The following CNTN3 variants were observed in gnomAD, a reference collection of about 807,000 sequenced individuals.
CNTN3 encodes the protein contactin 3, also known as contactin-3.
A neutral mutation model predicts 119.1 loss-of-function variants in CNTN3; 60 were observed. The ratio of observed to expected loss-of-function variants is 0.50; its 90% CI spans 0.41 to 0.62. The LOEUF is 0.62. Among genes scored for constraint, CNTN3 ranks in the 20% least tolerant of loss-of-function variants. The pLI is 0.00. For missense variants in CNTN3, 1,101 were observed against 1,242.4 expected (o/e 0.89, Z 1.71); for synonymous variants, 450 against 438.7 (o/e 1.03, Z -0.32).
intron 5 of CNTN3, among the ~76,000 whole-genome samples, chr3:74,423,686 C>T (rs976744924): frequency 9.2e-5 from 14 of 152,204 alleles, no homozygotes; most frequent in Non-Finnish European, 1.9e-4. Flanking sequence ...TCCCTTCAAA[C>T]TTAAAGTTCT....
At chr3:74,568,409 G>A (rs1490012927) in intron 1 of CNTN3, among the ~76,000 whole-genome samples, 1 of 152,170 alleles carries the variant, frequency 6.6e-6, no homozygotes, top group African/African-American at 2.4e-5. Flanking sequence ...AGGATATGGG[G>A]AGACATAATT....
chr3:74,583,143 A>C (rs56182122), intron 1 of CNTN3, among the ~76,000 whole-genome samples: 7,093 of 152,168 alleles, frequency 0.047, 201 homozygotes, highest in African/African-American at 0.079. Flanking sequence ...TGGTACCTGG[A>C]CTAGAGTGAT....
chr3:74,284,326 A>ATTTAATTTGTCTCATTCTT (rs1702068840), intron 20 of CNTN3, among the ~76,000 whole-genome samples: 1 of 152,222 alleles, frequency 6.6e-6, no homozygotes, highest in South Asian at 2.1e-4. Flanking sequence ...TAGTTAAGCA[A>ATTTAATTTGTCTCATTCTT]ACATTTTTAT....
chr3:74,567,013 T>C (rs1035348400), intron 1 of CNTN3, among the ~76,000 whole-genome samples: 5 of 152,142 alleles, frequency 3.3e-5, no homozygotes, highest in African/African-American at 7.2e-5. Context: ...TAGCAGTCCA[T>C]AGAAGTCAGC....
At chr3:74,545,356 C>T (rs1179752334) in intron 1 of CNTN3, among the ~76,000 whole-genome samples, 1 of 152,114 alleles carries the variant, frequency 6.6e-6, no homozygotes, top group African/African-American at 2.4e-5. Context: ...CCACCTACAT[C>T]CTCCTCAATC....
At chr3:74,402,552 T>TA (rs1187356315) in intron 5 of CNTN3, among the ~76,000 whole-genome samples, 1 of 152,200 alleles carries the variant, frequency 6.6e-6, no homozygotes, top group Non-Finnish European at 1.5e-5. Context: ...TTCCAGCAGA[T>TA]ACCTGCATCT....
At chr3:74,486,851 A>G (rs1024462336) in intron 3 of CNTN3, among the ~76,000 whole-genome samples, 2 of 152,206 alleles carry the variant, frequency 1.3e-5, no homozygotes, top group African/African-American at 4.8e-5. Context: ...TCTAGCAGTT[A>G]AAGTTTTTAA....
intron 1 of CNTN3, among the ~76,000 whole-genome samples, chr3:74,557,647 C>T (rs1704090636): frequency 6.6e-6 from 1 of 150,462 alleles, no homozygotes; most frequent in South Asian, 2.1e-4. Context: ...CCGCCAGGAA[C>T]ACAGCCAGAC....
chr3:74,403,639 T>A (rs1705252579), intron 5 of CNTN3, among the ~76,000 whole-genome samples: 1 of 152,182 alleles, frequency 6.6e-6, no homozygotes, highest in Non-Finnish European at 1.5e-5. Context: ...TTCAGTATTT[T>A]AAATTTTCAG....
At chr3:74,543,119 G>C (rs963756753) in intron 1 of CNTN3, among the ~76,000 whole-genome samples, 2 of 151,948 alleles carry the variant, frequency 1.3e-5, no homozygotes, top group Non-Finnish European at 2.9e-5. Context: ...AACTGAGCAA[G>C]ACCTTGTCTC....
At chr3:74,466,594 T>C (rs1702465153) in intron 4 of CNTN3, among the ~76,000 whole-genome samples, 1 of 152,136 alleles carries the variant, frequency 6.6e-6, no homozygotes, top group Non-Finnish European at 1.5e-5. Context: ...TGAGTTGTCA[T>C]GGAGGAAAAT....
chr3:74,553,889 T>C (rs1020968875), intron 1 of CNTN3, among the ~76,000 whole-genome samples: 1 of 152,200 alleles, frequency 6.6e-6, no homozygotes. Context: ...TTGATGATAG[T>C]TTCTTTTGCT....
chr3:74,414,252 A>G (rs1426365520), intron 5 of CNTN3, among the ~76,000 whole-genome samples: 1 of 151,980 alleles, frequency 6.6e-6, no homozygotes, highest in Non-Finnish European at 1.5e-5. Flanking sequence ...AAGTTCAGGG[A>G]AAAAAATCTG....
chr3:74,468,441 G>A (rs1702503295), intron 4 of CNTN3, among the ~76,000 whole-genome samples: 1 of 152,110 alleles, frequency 6.6e-6, no homozygotes, highest in Non-Finnish European at 1.5e-5. Context: ...TCTTTTAGAT[G>A]CTCAGTTCCC....
intron 8 of CNTN3, among the ~76,000 whole-genome samples, chr3:74,367,407 C>T (rs777417256): frequency 1.2e-4 from 18 of 152,078 alleles, no homozygotes; most frequent in Non-Finnish European, 2.2e-4. Context: ...GTCCACTCTT[C>T]CATCACCTCA....
At chr3:74,557,941 GA>G (rs982204593) in intron 1 of CNTN3, among the ~76,000 whole-genome samples, 2 of 152,170 alleles carry the variant, frequency 1.3e-5, no homozygotes, top group African/African-American at 4.8e-5. Flanking sequence ...AAAACAAATG[GA>G]TGCATGGAAC....
chr3:74,323,915 AATAT>A (rs1703062292), intron 13 of CNTN3, among the ~76,000 whole-genome samples: 1 of 152,126 alleles, frequency 6.6e-6, no homozygotes, highest in Admixed American at 6.6e-5. Context: ...GCTGTAGGTA[AATAT>A]CTGTTAAGAT....
intron 1 of CNTN3, among the ~76,000 whole-genome samples, chr3:74,572,693 A>C (rs996968607): frequency 6.6e-6 from 1 of 152,232 alleles, no homozygotes; most frequent in African/African-American, 2.4e-5. Context: ...TTATTAAATA[A>C]CATATTAATT....
chr3:74,614,156 T>G (rs1705129575), intron 1 of CNTN3, among the ~76,000 whole-genome samples: 2 of 152,300 alleles, frequency 1.3e-5, no homozygotes, highest in South Asian at 4.1e-4. Context: ...GCGCTCCAGC[T>G]GGGGATGCAG....
Sources: allele counts gnomAD v4.1 joint callset (sites outside exome capture counted in the v4.1 genomes callset), GRCh38; gene constraint gnomAD v4.1.1; transcripts MANE v1.5; gene names NCBI Gene and HGNC (gene_info 2026-07-23, HGNC 2026-07-21).